Variants in THSD4 observed in about 807,000 individuals in gnomAD.
The protein encoded by THSD4 is thrombospondin type-1 domain-containing protein 4.
Under a neutral mutation model 119.0 loss-of-function variants are expected in THSD4, and 69 were observed. That is an observed-to-expected ratio of 0.58 (90% CI 0.48 to 0.71). The LOEUF is 0.71. Ranked by LOEUF, THSD4 falls within the 30% of genes least tolerant of loss-of-function variation. The pLI is 0.00. For missense variants in THSD4, 1,393 were observed against 1,391.1 expected (o/e 1.00, Z -0.02); for synonymous variants, 524 against 540.4 (o/e 0.97, Z 0.42).
chr15:71,668,288 C>T (rs887940249), intron 8 of THSD4, among the ~76,000 whole-genome samples: 1 of 152,218 alleles, frequency 6.6e-6, no homozygotes, highest in East Asian at 1.9e-4. Flanking sequence ...GGAGTGGGGG[C>T]ATCAGTGAGC....
chr15:71,468,130 T>A (rs905995247), intron 7 of THSD4, among the ~76,000 whole-genome samples: 2 of 152,210 alleles, frequency 1.3e-5, no homozygotes, highest in African/African-American at 2.4e-5. Flanking sequence ...ATTACAGGCA[T>A]GAGCCACTGC....
chr15:71,656,732 T>G (rs1040513427), intron 7 of THSD4, among the ~76,000 whole-genome samples: 1 of 152,214 alleles, frequency 6.6e-6, no homozygotes, highest in African/African-American at 2.4e-5. Context: ...AAATCCAAGC[T>G]CTATCTATTA....
rs371262678 is a variant in THSD4, at chr15:71,324,428, C to T, written c.1015+67713C>T. 1.3e-3 allele frequency among the ~76,000 whole-genome samples: 197 copies of T among 152,176 alleles called. 12 individuals are homozygous for T. In the South Asian group the frequency reaches 0.04, roughly 31 times the overall value. The stretch of plus-strand genomic sequence containing the variant: ...TCACCTGAGTAGTGTACATTGTACC[C>T]AATGTGTACTTTTTTTCTTCCTTGC... On this transcript the variant is annotated intron_variant, in intron 6 of 17. Transcript: ENST00000261862.
chr15:71,126,844 G>T (rs1461865150), intron 1 of THSD4, among the ~76,000 whole-genome samples: 1 of 152,176 alleles, frequency 6.6e-6, no homozygotes, highest in Non-Finnish European at 1.5e-5. Context: ...ATATTATGGG[G>T]CACAAAGTGA....
chr15:71,346,263 T>G (rs1421292707), intron 6 of THSD4, among the ~76,000 whole-genome samples: 3 of 152,224 alleles, frequency 2.0e-5, no homozygotes, highest in Non-Finnish European at 2.9e-5. Flanking sequence ...TCCTCATGAT[T>G]AGATTCAGTC....
At chr15:71,267,717 T>C (rs1006091367) in intron 6 of THSD4, among the ~76,000 whole-genome samples, 1 of 152,118 alleles carries the variant, frequency 6.6e-6, no homozygotes, top group African/African-American at 2.4e-5. Context: ...AGGAGACCCA[T>C]CTCATGTGCT....
chr15:71,598,522 T>C (rs1312563102), intron 7 of THSD4, among the ~76,000 whole-genome samples: 1 of 152,168 alleles, frequency 6.6e-6, no homozygotes, highest in Non-Finnish European at 1.5e-5. Context: ...GCAGACGTCA[T>C]TTCTCCATTC....
intron 8 of THSD4, among the ~76,000 whole-genome samples, chr15:71,724,287 A>ATATATATATATATATATATATATTTTTT: frequency 4.3e-4 from 16 of 37,278 alleles, no homozygotes; most frequent in South Asian, 2.0e-3. Flanking sequence ...ATATATATAT[A>ATATATATATATATATATATATATTTTTT]TTTTTTTTTT....
At chr15:71,664,968 T>C (rs939386593) in intron 8 of THSD4, among the ~76,000 whole-genome samples, 3 of 152,154 alleles carry the variant, frequency 2.0e-5, no homozygotes, top group African/African-American at 7.2e-5. Flanking sequence ...CATGCATGTG[T>C]CTTTATGGTA....
At chr15:71,208,904 A>G (rs549845538) in intron 3 of THSD4, among the ~76,000 whole-genome samples, 2 of 152,288 alleles carry the variant, frequency 1.3e-5, no homozygotes, top group South Asian at 4.2e-4. Context: ...TTTTTAAATG[A>G]GGAGGGGGAT....
At chr15:71,292,967 C>A (rs1409691689) in intron 6 of THSD4, among the ~76,000 whole-genome samples, 1 of 152,192 alleles carries the variant, frequency 6.6e-6, no homozygotes, top group Non-Finnish European at 1.5e-5. Context: ...TGAGCCACCG[C>A]ACCTGGCCAA....
chr15:71,155,968 A>G (rs972768610), intron 3 of THSD4, among the ~76,000 whole-genome samples: 1 of 152,162 alleles, frequency 6.6e-6, no homozygotes, highest in Non-Finnish European at 1.5e-5. Flanking sequence ...GAAGGAGCAA[A>G]TGGACAGTAT....
chr15:71,548,097 G>GTTTT lies in THSD4; in HGVS notation c.1153-112421_1153-112418dup, dbSNP rs11397800. 1.1e-3 allele frequency among the ~76,000 whole-genome samples: 154 copies of GTTTT among 145,764 alleles called. 1 individual carries two copies. Among genetic ancestry groups the GTTTT allele is most frequent in the Admixed American group, 2.4e-3 (35 of 14,638 alleles). On this transcript the variant is annotated intron_variant, in intron 7 of 17. Coordinates refer to ENST00000261862, the MANE Select transcript of THSD4 (RefSeq NM_024817.3). ...TTAGTTCATGTGATTGTTGGGTACA[G>GTTTT]TTTTTTTTTTTTTTTAACATCAGTG...
intron 7 of THSD4, among the ~76,000 whole-genome samples, chr15:71,475,110 A>C (rs1433991018): frequency 2.6e-5 from 4 of 152,184 alleles, no homozygotes; most frequent in Non-Finnish European, 5.9e-5. Context: ...TCCCTGCATT[A>C]TGCCTTCCTC....
At chr15:71,119,973 C>T (rs1187397674) in intron 1 of THSD4, among the ~76,000 whole-genome samples, 1 of 152,228 alleles carries the variant, frequency 6.6e-6, no homozygotes. Flanking sequence ...CCCTAAGGCA[C>T]ATAGCAGGCG....
chr15:71,173,571 T>C (rs58541914), intron 3 of THSD4, among the ~76,000 whole-genome samples: 17,500 of 81,494 alleles, frequency 0.21, 1,258 homozygotes, highest in East Asian at 0.52. Flanking sequence ...CACACACATA[T>C]ATATATATAT....
intron 7 of THSD4, among the ~76,000 whole-genome samples, chr15:71,530,883 T>C (rs2048599696): frequency 7.3e-6 from 1 of 137,378 alleles, no homozygotes; most frequent in Admixed American, 8.5e-5. Context: ...ATCTGTGCTG[T>C]GGATGAGGAA....
intron 6 of THSD4, among the ~76,000 whole-genome samples, chr15:71,304,177 CA>C (rs1404627928): frequency 6.6e-6 from 1 of 152,120 alleles, no homozygotes; most frequent in African/African-American, 2.4e-5. Flanking sequence ...CTGCACCATG[CA>C]AAGGTCAGGA....
chr15:71,610,748 T>C (rs551782842), intron 7 of THSD4, among the ~76,000 whole-genome samples: 2 of 152,314 alleles, frequency 1.3e-5, no homozygotes, highest in East Asian at 3.9e-4. Flanking sequence ...AAAGTGCCCA[T>C]CTTTATAGCT....
Sources: gnomAD v4.1 joint callset for allele counts (sites outside exome capture counted in the v4.1 genomes callset) on GRCh38, gnomAD v4.1.1 for gene constraint, MANE v1.5 for transcripts, NCBI Gene and HGNC (gene_info 2026-07-23, HGNC 2026-07-21) for gene names.